The following DLGAP2 variants were observed in gnomAD, a reference collection of about 807,000 sequenced individuals.
DLGAP2 encodes the protein disks large-associated protein 2.
DLGAP2 carries 26 observed loss-of-function variants against 100.3 expected under a neutral mutation model. The ratio of observed to expected loss-of-function variants is 0.26; its 90% CI spans 0.19 to 0.36. DLGAP2 has a LOEUF of 0.36. DLGAP2 is among the 10% of genes least tolerant of loss of function. The pLI, the probability that DLGAP2 is intolerant of heterozygous loss-of-function variation, is 1.00. For missense variants in DLGAP2, 1,858 were observed against 1,453.2 expected, an observed-to-expected ratio of 1.28 and a Z score of -4.53; for synonymous variants, 886 against 630.1, an observed-to-expected ratio of 1.41 and a Z score of -6.08.
At chr8:1,336,016 CAAT>C (rs997926160) in intron 3 of DLGAP2, among the ~76,000 whole-genome samples, 5 of 152,114 alleles carry the variant, frequency 3.3e-5, no homozygotes, top group African/African-American at 1.2e-4. Context: ...GAAAACATCA[CAAT>C]ATAAAGAAAC....
chr8:1,421,961 A>G (rs540835614), intron 3 of DLGAP2, among the ~76,000 whole-genome samples: 2 of 152,268 alleles, frequency 1.3e-5, no homozygotes, highest in Non-Finnish European at 1.5e-5. Context: ...GTGAGACTCC[A>G]TCTCAAAAAA....
rs1721875667 is a variant in DLGAP2, at chr8:1,707,859, A to T, written c.*6453A>T. On this transcript the variant is annotated 3_prime_UTR_variant, in exon 15 of 15. Coordinates refer to ENST00000637795, the MANE Select transcript of DLGAP2 (RefSeq NM_001346810.2). ...TGCCAAATATTCAGCATCTGTACAA[A>T]GTCATTCACTGGAATTCAACTATTT... 6.6e-6 allele frequency: 1 copy of T among 152,620 alleles called. No individual in the cohort carries two copies. Among genetic ancestry groups the T allele is most frequent in the Admixed American group, 6.5e-5 (1 of 15,272 alleles). The allele number at this position is 152,620 out of a possible 1,614,324, so 9.5% of individuals were successfully genotyped here.
intron 3 of DLGAP2, among the ~76,000 whole-genome samples, chr8:1,303,314 T>G (rs1169144542): frequency 2.6e-5 from 4 of 151,430 alleles, no homozygotes; most frequent in Non-Finnish European, 4.4e-5. Context: ...GGAGAATCGT[T>G]TGAACCCGGG....
intron 4 of DLGAP2, among the ~76,000 whole-genome samples, chr8:1,507,945 C>A (rs140371608): frequency 2.0e-5 from 3 of 151,264 alleles, no homozygotes; most frequent in Admixed American, 1.3e-4. Flanking sequence ...AGGCTCCTTC[C>A]CCACTGTGAC....
At chr8:1,320,453 T>C (rs1259669100) in intron 3 of DLGAP2, among the ~76,000 whole-genome samples, 1 of 152,000 alleles carries the variant, frequency 6.6e-6, no homozygotes, top group Non-Finnish European at 1.5e-5. Context: ...GCCCAGGGTG[T>C]CTGTCTGCCG....
chr8:1,215,039 G>A (rs755888611), intron 2 of DLGAP2, among the ~76,000 whole-genome samples: 51 of 152,148 alleles, frequency 3.4e-4, no homozygotes, highest in Non-Finnish European at 5.7e-4. Flanking sequence ...CATGGAAATA[G>A]TATAAGAACA....
chr8:1,329,929 A>C (rs1801110422), intron 3 of DLGAP2, among the ~76,000 whole-genome samples: 1 of 152,230 alleles, frequency 6.6e-6, no homozygotes, highest in Non-Finnish European at 1.5e-5. Flanking sequence ...CCTGCCGTGC[A>C]GTAGAACCCC....
chr8:1,336,764 C>T (rs961046777), intron 3 of DLGAP2, among the ~76,000 whole-genome samples: 1 of 152,200 alleles, frequency 6.6e-6, no homozygotes, highest in African/African-American at 2.4e-5. Flanking sequence ...AAGCAGTGGG[C>T]TCCTCTCACC....
intron 3 of DLGAP2, among the ~76,000 whole-genome samples, chr8:1,331,514 C>T (rs757306955): frequency 3.3e-5 from 5 of 152,186 alleles, no homozygotes; most frequent in South Asian, 2.1e-4. Context: ...TTTAGGGACA[C>T]GGATCTGGGC....
At chr8:1,143,872 G>C (rs1796562342) in intron 2 of DLGAP2, among the ~76,000 whole-genome samples, 2 of 152,328 alleles carry the variant, frequency 1.3e-5, no homozygotes, top group South Asian at 4.1e-4. Flanking sequence ...TGCAGATGCA[G>C]CTTTCTGTCT....
At chr8:1,237,550 T>G (rs1454633371) in intron 2 of DLGAP2, among the ~76,000 whole-genome samples, 8 of 138,794 alleles carry the variant, frequency 5.8e-5, no homozygotes, top group African/African-American at 5.6e-5. Flanking sequence ...TTCTCTCACA[T>G]GGCGCCGTGT....
At chr8:1,645,638 T>A (rs1000549922) in intron 8 of DLGAP2, among the ~76,000 whole-genome samples, 2 of 152,234 alleles carry the variant, frequency 1.3e-5, no homozygotes, top group African/African-American at 4.8e-5. Context: ...TACATTTGTG[T>A]TGGTTGATTA....
At chr8:1,419,091 A>C (rs1215157750) in intron 3 of DLGAP2, among the ~76,000 whole-genome samples, 2 of 152,232 alleles carry the variant, frequency 1.3e-5, no homozygotes, top group Non-Finnish European at 2.9e-5. Flanking sequence ...AGCCCTCTGC[A>C]AGCACTCCAA....
intron 1 of DLGAP2, among the ~76,000 whole-genome samples, chr8:779,337 G>C (rs935171993): frequency 2.0e-5 from 3 of 152,120 alleles, no homozygotes; most frequent in Non-Finnish European, 4.4e-5. Flanking sequence ...GACTGGAGCT[G>C]TTCCTATTCG....
At chr8:790,168 G>A (rs998758606) in intron 1 of DLGAP2, among the ~76,000 whole-genome samples, 5 of 152,196 alleles carry the variant, frequency 3.3e-5, no homozygotes, top group African/African-American at 1.2e-4. Flanking sequence ...TCTCATCAGG[G>A]ATTTGGAGAA....
chr8:1,425,526 G>T (rs962454049), intron 3 of DLGAP2, among the ~76,000 whole-genome samples: 1 of 152,192 alleles, frequency 6.6e-6, no homozygotes, highest in Admixed American at 6.5e-5. Context: ...GGACAGCTGA[G>T]TGCATCCCTG....
At chr8:1,575,978 T>A (rs191894941) in intron 6 of DLGAP2, among the ~76,000 whole-genome samples, 17 of 152,336 alleles carry the variant, frequency 1.1e-4, no homozygotes, top group African/African-American at 4.1e-4. Flanking sequence ...TTCCGGTATA[T>A]ACCCAGTAAT....
intron 6 of DLGAP2, among the ~76,000 whole-genome samples, chr8:1,578,860 A>G (rs1275910460): frequency 6.6e-6 from 1 of 152,204 alleles, no homozygotes; most frequent in African/African-American, 2.4e-5. Context: ...CCGATCGGGA[A>G]GGTCAGATTC....
At chr8:1,595,719 C>G (rs549012467) in intron 6 of DLGAP2, among the ~76,000 whole-genome samples, 1 of 150,996 alleles carries the variant, frequency 6.6e-6, no homozygotes, top group Non-Finnish European at 1.5e-5. Context: ...AAGCCCCCAG[C>G]GAGCTCCCCA....
Sources: allele counts gnomAD v4.1 joint callset (sites outside exome capture counted in the v4.1 genomes callset), GRCh38; gene constraint gnomAD v4.1.1; transcripts MANE v1.5; gene names NCBI Gene and HGNC (gene_info 2026-07-23, HGNC 2026-07-21).